MYBPC1: variants seen among roughly 807,000 people sequenced by gnomAD.
MYBPC1 encodes myosin-binding protein C, slow-type.
MYBPC1 carries 52 observed loss-of-function variants against 147.1 expected under a neutral mutation model. The ratio of observed to expected loss-of-function variants is 0.35; its 90% confidence interval spans 0.28 to 0.45. The LOEUF is 0.45. Among genes scored for constraint, MYBPC1 ranks in the 20% least tolerant of loss-of-function variants. The pLI is 1.00. For missense variants in MYBPC1, 1,228 were observed against 1,440.3 expected, an observed-to-expected ratio of 0.85 and a Z score of 2.39; for synonymous variants, 477 against 475.9, an observed-to-expected ratio of 1.00 and a Z score of -0.03.
chr12:101,642,717 GT>G (rs1010202320), intron 11 of MYBPC1, 132 bp downstream of exon 11: 10 of 947,072 alleles, frequency 1.1e-5, no homozygotes, highest in Non-Finnish European at 1.6e-5. Flanking sequence ...GAGTGCAGGG[GT>G]TACGCTTGTC....
chr12:101,673,752 T>C, intron 25 of MYBPC1, 130 bp downstream of exon 25: 1 of 1,059,766 alleles, frequency 9.4e-7, no homozygotes, highest in Non-Finnish European at 1.4e-6. Context: ...AGATTTATTT[T>C]TTAAAAATAG....
At chr12:101,671,329 A>ACACT (rs1555252593) in intron 24 of MYBPC1, among the ~76,000 whole-genome samples, 2,143 of 138,466 alleles carry the variant, frequency 0.015, 40 homozygotes, top group African/African-American at 0.04. Context: ...ACACACACAC[A>ACACT]CACACACACT....
chr12:101,633,225 T>C (rs1371520997), intron 8 of MYBPC1, among the ~76,000 whole-genome samples: 3 of 152,122 alleles, frequency 2.0e-5, no homozygotes, highest in Admixed American at 1.3e-4. Flanking sequence ...AACCACACCC[T>C]ATCCAGCTTG....
At chr12:101,672,261 TG>T (rs971481571) in intron 24 of MYBPC1, among the ~76,000 whole-genome samples, 33 of 152,302 alleles carry the variant, frequency 2.2e-4, no homozygotes, top group African/African-American at 7.9e-4. Flanking sequence ...GGGTTTGGTG[TG>T]TAGCTCTACA....
In MYBPC1 at chr12:101,614,523, C is replaced by T. The variant is rs539672799; in HGVS notation, c.53C>T (p.Pro18Leu). 8 of 1,613,568 alleles carry T rather than the reference C, an allele frequency of 5.0e-6. No individual in the cohort carries two copies. In the African/African-American group the frequency reaches 5.3e-5, roughly 11 times the overall value. Reference sequence around the variant, plus strand: ...AATGAAGTGCCAGCCCCAGCCCCACCCCCGGAAGGTGAGTAAAAACACTCA... The same window carrying T: ...AATGAAGTGCCAGCCCCAGCCCCACTCCCGGAAGGTGAGTAAAAACACTCA... ...EENEVPAPAP[P>L]PEEPSKEKEA... Residue 18 changes from proline (P) to leucine (L), a missense_variant, in exon 2 of 32, where the codon CCC (proline) becomes CTC (leucine). Physicochemically the swap from Pro to Leu is moderately conservative, Grantham distance 98. This residue lies in a region of MYBPC1 where 151 missense variants were observed against 126.1 expected (regional missense o/e 1.20). Transcript: ENST00000361466.
At chr12:101,610,504 A>AT (rs1883859116) in intron 1 of MYBPC1, among the ~76,000 whole-genome samples, 1 of 141,598 alleles carries the variant, frequency 7.1e-6, no homozygotes, top group Non-Finnish European at 1.5e-5. Context: ...GGAGGAAGAC[A>AT]TAAGTGTCTT....
Position 101,682,631 on chromosome 12 carries a change from G to A in MYBPC1, c.3461G>A (p.Gly1154Glu), listed in dbSNP as rs1279526253. The change falls in exon 30 of 32, where the codon GGA (glycine) becomes GAA (glutamate). Residue 1154 changes from glycine (G) to glutamate (E), a missense_variant. Gly to Glu is a moderately conservative substitution (Grantham distance 98). This residue lies in a region of MYBPC1 where 1,077 missense variants were observed against 1,314.2 expected (regional missense o/e 0.82). Coordinates refer to ENST00000361466, the MANE Select transcript of MYBPC1 (RefSeq NM_002465.4). ...KVIYQGVNTP[G>E]QPVFLEGQQQ... ...ATATATCAAGGAGTAAATACCCCTG[G>A]ACAACCAGTCTTCCTGGAGGGGCAG... is the stretch of plus-strand genomic sequence containing the variant. 3.7e-6 allele frequency: 6 copies of A among 1,613,296 alleles called. No homozygotes were observed.
rs141288875 is a variant in MYBPC1, at chr12:101,661,017, A to G, written c.1928-141A>G. On this transcript the variant is annotated intron_variant, in intron 19 of 31. Coordinates refer to ENST00000361466, the MANE Select transcript of MYBPC1 (RefSeq NM_002465.4). ...TGGGGACACAGCCAAACCATATCATAAGCATAATTCAGTAAACATGGGAAA... is the reference window on the plus strand; with the variant it reads ...TGGGGACACAGCCAAACCATATCATGAGCATAATTCAGTAAACATGGGAAA... The G allele has an allele frequency of 1.7e-3, 998 of 602,122 alleles. 5 individuals are homozygous for G. The highest frequency in any genetic ancestry group is 0.016 in the African/African-American group (875 of 54,064). The allele number at this position is 602,122 out of a possible 1,614,324, so 37.3% of individuals were successfully genotyped here. A position where few individuals can be genotyped will look rare whatever the true frequency, so the allele number is the denominator to read the frequency against.
chr12:101,666,022 T>C (rs73172609), intron 22 of MYBPC1, among the ~76,000 whole-genome samples: 2,066 of 152,156 alleles, frequency 0.014, 22 homozygotes, highest in Middle Eastern at 0.024. Flanking sequence ...CAGTCCCCAA[T>C]GCCTCCACTC....
intron 28 of MYBPC1, 139 bp downstream of exon 28, chr12:101,678,377 G>A (rs1691459255): frequency 1.6e-6 from 2 of 1,227,028 alleles, no homozygotes; most frequent in South Asian, 1.3e-5. Context: ...AGTGGTGGTA[G>A]ATTATTAGGC....
intron 12 of MYBPC1, among the ~76,000 whole-genome samples, chr12:101,646,269 T>TA: frequency 6.6e-6 from 1 of 152,208 alleles, no homozygotes; most frequent in South Asian, 2.1e-4. Context: ...TGCTTATACA[T>TA]TAAGTATTAT....
chr12:101,692,946 A>ATT, the MYBPC1 span, among the ~76,000 whole-genome samples: 4 of 106,032 alleles, frequency 3.8e-5, no homozygotes, highest in Non-Finnish European at 4.2e-5. Flanking sequence ...TATTACCTTC[A>ATT]CTTTTTTTTT....
chr12:101,693,071 C>T, the MYBPC1 span, among the ~76,000 whole-genome samples: 7 of 151,768 alleles, frequency 4.6e-5, no homozygotes, highest in South Asian at 2.1e-4. Flanking sequence ...CTCAGCCTCC[C>T]GAGTAGCTGG....
intron 16 of MYBPC1, 83 bp from the exon 17 acceptor site, chr12:101,652,594 TA>T: frequency 1.1e-6 from 1 of 935,540 alleles, no homozygotes; most frequent in Non-Finnish European, 1.8e-6. Context: ...GTTAATCAGA[TA>T]AAGGTCAAGT....
intron 3 of MYBPC1, among the ~76,000 whole-genome samples, chr12:101,620,308 T>C (rs796528351): frequency 2.0e-5 from 3 of 152,298 alleles, no homozygotes; most frequent in Non-Finnish European, 2.9e-5. Flanking sequence ...AGGTAGCAAA[T>C]TGATGGAACA....
At chr12:101,642,101 T>A (rs1565942301) in intron 10 of MYBPC1, among the ~76,000 whole-genome samples, 1 of 152,208 alleles carries the variant, frequency 6.6e-6, no homozygotes, top group Non-Finnish European at 1.5e-5. Context: ...CATCTTCTAA[T>A]TAGACTTTAA....
chr12:101,683,515 A>G lies in MYBPC1; in HGVS notation c.3492+853A>G, dbSNP rs144699341. Among the ~76,000 whole-genome samples the G allele has an allele frequency of 2.2e-4, 34 of 152,336 alleles. No individual in the cohort carries two copies. The East Asian group carries it at 6.0e-3, about 27-fold the overall frequency. ...CAAGTAGAATATCTGTAACCCATCT[A>G]TCTGTTGAAGATTTTGGACATTTTC... On this transcript the variant is annotated intron_variant, in intron 30 of 31. Coordinates refer to ENST00000361466, the MANE Select transcript of MYBPC1 (RefSeq NM_002465.4).
Position 101,624,683 on chromosome 12 carries a change from ATT to A in MYBPC1, c.104-2164_104-2163del, listed in dbSNP as rs57175970. ...AATAATATACAAGCCCGGCTAATTA[ATT>A]TTTTTTTTTTTTTTTTTTTTTTTTA... On this transcript the variant is annotated intron_variant, in intron 3 of 31. Transcript: ENST00000361466. 6.0e-3 allele frequency among the ~76,000 whole-genome samples: 591 copies of A among 99,092 alleles called. 10 individuals are homozygous for A. Among genetic ancestry groups the A allele is most frequent in the African/African-American group, 0.023 (552 of 24,014 alleles). 65.0% of individuals were successfully genotyped at this position (99,092 alleles called of 152,430 possible).
chr12:101,624,397 TTTAA>T (rs1888078884), intron 3 of MYBPC1, among the ~76,000 whole-genome samples: 1 of 152,226 alleles, frequency 6.6e-6, no homozygotes, highest in Non-Finnish European at 1.5e-5. Context: ...TAAAGCACTT[TTTAA>T]TTAACATTCC....
Sources: allele counts gnomAD v4.1 joint callset (sites outside exome capture counted in the v4.1 genomes callset), GRCh38; gene constraint gnomAD v4.1.1; regional missense constraint gnomAD v4.1.1; transcripts MANE v1.5; gene names NCBI Gene and HGNC (gene_info 2026-07-23, HGNC 2026-07-21).